FAM168B: variants seen among roughly 807,000 people sequenced by gnomAD.
The protein encoded by FAM168B is family with sequence similarity 168 member B.
A neutral mutation model predicts 21.8 loss-of-function variants in FAM168B; 19 were observed. The ratio of observed to expected loss-of-function variants is 0.87; its 90% CI spans 0.61 to 1.28. The LOEUF (loss-of-function observed/expected upper bound fraction) is 1.28. Among genes scored for constraint, FAM168B ranks in the 50% most tolerant of loss-of-function variants. The pLI is 0.00. For missense variants in FAM168B, 233 were observed against 263.1 expected, an observed-to-expected ratio of 0.89 and a Z score of 0.79; for synonymous variants, 126 against 104.8, an observed-to-expected ratio of 1.20 and a Z score of -1.24.
chr2:131,052,538 G>T, intron 6 of FAM168B, 86 bp from the exon 7 acceptor site: 1 of 1,005,452 alleles, frequency 9.9e-7, no homozygotes, highest in Non-Finnish European at 1.2e-6. Flanking sequence ...AGGCCCAGCA[G>T]GGTCGGAAAG....
In FAM168B at chr2:131,048,257, C is replaced by G; in HGVS notation, c.*4208G>C. On this transcript the variant is annotated 3_prime_UTR_variant, in exon 7 of 7. Coordinates refer to ENST00000389915, the MANE Select transcript of FAM168B (RefSeq NM_001009993.4). Reference sequence around the variant, plus strand: ...GGGCCTCTCCGTGTGGCCAGCACAGCAACCCTGCTAGGAGCACAAACGGCT... The same window carrying G: ...GGGCCTCTCCGTGTGGCCAGCACAGGAACCCTGCTAGGAGCACAAACGGCT... 1 of 1,304,192 alleles carries G rather than the reference C, an allele frequency of 7.7e-7. No individual in the cohort carries two copies. The highest frequency in any genetic ancestry group is 1.5e-5 in the African/African-American group (1 of 66,002). The allele number at this position is 1,304,192 out of a possible 1,614,324, so 80.8% of individuals were successfully genotyped here. A position where few individuals can be genotyped will look rare whatever the true frequency, so the allele number is the denominator to read the frequency against.
intron 3 of FAM168B, among the ~76,000 whole-genome samples, chr2:131,064,646 C>CT (rs1215714377): frequency 6.6e-6 from 1 of 152,148 alleles, no homozygotes; most frequent in African/African-American, 2.4e-5. Context: ...TTTCCATACT[C>CT]TCCCAGGTGG....
chr2:131,067,119 G>A (rs1692604267), intron 3 of FAM168B, among the ~76,000 whole-genome samples: 1 of 152,136 alleles, frequency 6.6e-6, no homozygotes, highest in East Asian at 1.9e-4. Context: ...AGTGACATGT[G>A]GGGATTACAG....
At chr2:131,083,907 T>TA (rs1000177300) in intron 1 of FAM168B, among the ~76,000 whole-genome samples, 34 of 150,920 alleles carry the variant, frequency 2.3e-4, no homozygotes, top group South Asian at 8.3e-4. Context: ...TTTATTTATT[T>TA]ATTTATTTAT....
intron 3 of FAM168B, among the ~76,000 whole-genome samples, chr2:131,064,803 AAG>A (rs1692474330): frequency 6.6e-6 from 1 of 152,126 alleles, no homozygotes; most frequent in Non-Finnish European, 1.5e-5. Flanking sequence ...CAGTCCAGAT[AAG>A]AGAGAGGAAG....
intron 1 of FAM168B, among the ~76,000 whole-genome samples, chr2:131,090,896 A>C (rs1214137651): frequency 6.6e-6 from 1 of 152,048 alleles, no homozygotes; most frequent in Non-Finnish European, 1.5e-5. Flanking sequence ...TGCCCGGCTA[A>C]TATTTTGGTA....
At chr2:131,072,360 T>C (rs768738390) in intron 2 of FAM168B, among the ~76,000 whole-genome samples, 3 of 152,126 alleles carry the variant, frequency 2.0e-5, no homozygotes, top group South Asian at 2.1e-4. Context: ...CTGATTTCAG[T>C]TGATCCACCC....
intron 3 of FAM168B, among the ~76,000 whole-genome samples, chr2:131,065,814 A>G (rs1692526757): frequency 6.6e-6 from 1 of 151,690 alleles, no homozygotes; most frequent in South Asian, 2.1e-4. Context: ...AAAGAAAAAA[A>G]AAAAAAAGAA....
At chr2:131,052,590 T>C in intron 6 of FAM168B, 138 bp from the exon 7 acceptor site, 1 of 755,366 alleles carries the variant, frequency 1.3e-6, no homozygotes, top group South Asian at 2.8e-5. Context: ...TCTCACTTCC[T>C]TCCTAGAGAC....
At chr2:131,070,755 C>T (rs902202739) in intron 3 of FAM168B, among the ~76,000 whole-genome samples, 7 of 152,112 alleles carry the variant, frequency 4.6e-5, no homozygotes, top group East Asian at 1.9e-4. Context: ...ATATACACTA[C>T]GAGATGGATG....
intron 1 of FAM168B, among the ~76,000 whole-genome samples, chr2:131,092,260 CAA>C (rs934274946): frequency 1.3e-5 from 2 of 152,050 alleles, no homozygotes; most frequent in African/African-American, 4.8e-5. Flanking sequence ...TTTGTAAAGA[CAA>C]AGAGAAGCAA....
At chr2:131,053,062 C>A (rs1244875009) in intron 5 of FAM168B, 47 bp from the exon 6 acceptor site, 2 of 1,507,642 alleles carry the variant, frequency 1.3e-6, no homozygotes, top group Admixed American at 4.9e-5. Context: ...TCCTGCACAG[C>A]TCCACACTGC....
intron 2 of FAM168B, among the ~76,000 whole-genome samples, chr2:131,075,116 C>T (rs1277110748): frequency 6.6e-6 from 1 of 151,930 alleles, no homozygotes; most frequent in Non-Finnish European, 1.5e-5. Context: ...TCAAAGAGAC[C>T]CACAATGGCC....
At chr2:131,053,177 C>T (rs187686400) in intron 5 of FAM168B, among the ~76,000 whole-genome samples, 162 bp from the exon 6 acceptor site, 42 of 152,326 alleles carry the variant, frequency 2.8e-4, no homozygotes, top group South Asian at 8.3e-4. Flanking sequence ...TAATCCCCCA[C>T]ACCCAAAAGT....
intron 3 of FAM168B, among the ~76,000 whole-genome samples, chr2:131,058,107 C>CA (rs1692114058): frequency 6.8e-6 from 1 of 146,628 alleles, no homozygotes; most frequent in Non-Finnish European, 1.5e-5. Context: ...AGTAGGATTA[C>CA]AGGTGTGAGC....
chr2:131,053,541 A>G (rs1264961664), intron 5 of FAM168B, among the ~76,000 whole-genome samples: 1 of 152,198 alleles, frequency 6.6e-6, no homozygotes, highest in East Asian at 1.9e-4. Context: ...TCTGTTTCAC[A>G]ACAATGTGAA....
intron 1 of FAM168B, among the ~76,000 whole-genome samples, chr2:131,090,319 C>CAAAAAAAAA (rs1179969129): frequency 2.7e-5 from 2 of 75,218 alleles, no homozygotes; most frequent in African/African-American, 4.1e-5. Context: ...ACTCTTGTCT[C>CAAAAAAAAA]AAAAAAAAAA....
chr2:131,050,025 G>A lies in FAM168B; in HGVS notation c.*2440C>T, dbSNP rs1257031029. 2 of 985,356 alleles carry A rather than the reference G, an allele frequency of 2.0e-6. No individual in the cohort carries two copies. Among genetic ancestry groups the A allele is most frequent in the Middle Eastern group, 5.2e-4 (1 of 1,936 alleles). The allele number at this position is 985,356 out of a possible 1,614,324, so 61.0% of individuals were successfully genotyped here. On this transcript the variant is annotated 3_prime_UTR_variant, in exon 7 of 7. Transcript: ENST00000389915. ...GTCAGAAAGATTTCTGCACGGATGT[G>A]CAATGCAAACTTATTTCATAAAGCC...
chr2:131,072,954 T>C (rs1463181668), intron 2 of FAM168B, among the ~76,000 whole-genome samples: 1 of 152,226 alleles, frequency 6.6e-6, no homozygotes, highest in African/African-American at 2.4e-5. Context: ...AGTGAACAGC[T>C]AAGCCTATGT....
Sources: allele counts gnomAD v4.1 joint callset (sites outside exome capture counted in the v4.1 genomes callset), GRCh38; gene constraint gnomAD v4.1.1; transcripts MANE v1.5; gene names NCBI Gene and HGNC (gene_info 2026-07-23, HGNC 2026-07-21).